Variants in NUBPL observed in about 807,000 individuals in gnomAD.
NUBPL encodes NUBP iron-sulfur cluster assembly factor, mitochondrial, also known as iron-sulfur cluster transfer protein NUBPL.
A neutral mutation model predicts 45.7 loss-of-function variants in NUBPL; 31 were observed. The ratio of observed to expected loss-of-function variants is 0.68; its 90% CI spans 0.51 to 0.92. NUBPL has a LOEUF of 0.92. Among genes scored for constraint, NUBPL ranks in the 40% least tolerant of loss-of-function variants. NUBPL has a pLI of 0.00. For synonymous variants in NUBPL, 144 were observed against 140.9 expected (o/e 1.02, Z -0.15); for missense variants, 401 against 398.7 (o/e 1.01, Z -0.05).
intron 6 of NUBPL, among the ~76,000 whole-genome samples, chr14:31,744,969 C>G (rs2038364651): frequency 6.6e-6 from 1 of 152,090 alleles, no homozygotes; most frequent in Admixed American, 6.5e-5. Flanking sequence ...GCTTAAATAT[C>G]ACTCTTTTAA....
Position 31,740,852 on chromosome 14 carries a change from A to C in NUBPL, c.514-46928A>C, listed in dbSNP as rs182866820. On this transcript the variant is annotated intron_variant, in intron 6 of 10. Coordinates refer to ENST00000281081, the MANE Select transcript of NUBPL (RefSeq NM_025152.3). Reference sequence around the variant, plus strand: ...CTTTCAGTTTTGCACCTTTCAACTGAGATATACTCAAGCTCAGAAACTCTT... The same window carrying C: ...CTTTCAGTTTTGCACCTTTCAACTGCGATATACTCAAGCTCAGAAACTCTT... Among the ~76,000 whole-genome samples, 228 of 152,240 alleles carry C rather than the reference A, an allele frequency of 1.5e-3. 2 individuals are homozygous for C. Among genetic ancestry groups the C allele is most frequent in the South Asian group, 3.3e-3 (16 of 4,818 alleles).
intron 4 of NUBPL, among the ~76,000 whole-genome samples, chr14:31,629,332 G>A (rs142168432): frequency 3.9e-4 from 59 of 152,280 alleles, no homozygotes; most frequent in Middle Eastern, 6.8e-3. Flanking sequence ...TGTGTCTAAT[G>A]TCAGGAAATA....
intron 7 of NUBPL, among the ~76,000 whole-genome samples, chr14:31,804,334 A>T (rs2039645430): frequency 6.6e-6 from 1 of 151,020 alleles, no homozygotes; most frequent in South Asian, 2.1e-4. Flanking sequence ...ACAGTATATC[A>T]GTTAACAGTT....
intron 4 of NUBPL, among the ~76,000 whole-genome samples, chr14:31,638,304 C>T (rs1163555095): frequency 6.6e-6 from 1 of 151,652 alleles, no homozygotes; most frequent in Non-Finnish European, 1.5e-5. Context: ...AATCTCTCAG[C>T]ATTTGCTTGT....
intron 4 of NUBPL, among the ~76,000 whole-genome samples, chr14:31,651,493 T>G (rs1469138307): frequency 1.3e-5 from 2 of 152,240 alleles, no homozygotes; most frequent in African/African-American, 4.8e-5. Flanking sequence ...TAAAGTTTCT[T>G]TCTTTTGTAA....
At chr14:31,776,736 G>C (rs563998837) in intron 6 of NUBPL, among the ~76,000 whole-genome samples, 6 of 152,344 alleles carry the variant, frequency 3.9e-5, no homozygotes, top group African/African-American at 1.2e-4. Context: ...GTCTAATACA[G>C]TTCCAAATCG....
chr14:31,564,107 T>C lies in NUBPL; in HGVS notation c.257-907T>C, dbSNP rs74040873. On this transcript the variant is annotated intron_variant, in intron 2 of 10. Coordinates refer to ENST00000281081, the MANE Select transcript of NUBPL (RefSeq NM_025152.3). ...CCTGACATAGTTTATACCATTGTTC[T>C]GTAAGGAAATGTGATTCACATTATG... Among the ~76,000 whole-genome samples, 666 of 152,316 alleles carry C rather than the reference T, an allele frequency of 4.4e-3. 5 individuals carry two copies. The highest frequency in any genetic ancestry group is 0.015 in the African/African-American group (620 of 41,560).
At chr14:31,790,807 C>T (rs745336956) in intron 7 of NUBPL, among the ~76,000 whole-genome samples, 1 of 151,892 alleles carries the variant, frequency 6.6e-6, no homozygotes, top group Non-Finnish European at 1.5e-5. Context: ...GCCGAGATCG[C>T]GCCACTGCAC....
At chr14:31,611,025 A>G (rs534052172) in intron 4 of NUBPL, among the ~76,000 whole-genome samples, 1 of 152,342 alleles carries the variant, frequency 6.6e-6, no homozygotes, top group African/African-American at 2.4e-5. Context: ...GGAACATGAC[A>G]AGGATGCCCA....
chr14:31,779,117 G>A (rs890697143), intron 6 of NUBPL, among the ~76,000 whole-genome samples: 2 of 151,954 alleles, frequency 1.3e-5, no homozygotes, highest in Admixed American at 1.3e-4. Context: ...AGAGGCGGGT[G>A]GATTACCTGA....
At chr14:31,761,886 G>A (rs1173608776) in intron 6 of NUBPL, among the ~76,000 whole-genome samples, 3 of 152,160 alleles carry the variant, frequency 2.0e-5, no homozygotes, top group African/African-American at 7.2e-5. Flanking sequence ...ACAAAGCATG[G>A]ATTATGAGTG....
At chr14:31,590,232 C>T (rs546796117) in intron 3 of NUBPL, among the ~76,000 whole-genome samples, 1 of 152,122 alleles carries the variant, frequency 6.6e-6, no homozygotes, top group East Asian at 1.9e-4. Context: ...CCTCTGCCTC[C>T]CAGGTTCAGG....
intron 6 of NUBPL, among the ~76,000 whole-genome samples, chr14:31,754,953 G>GT (rs71115029): frequency 0.46 from 67,726 of 148,164 alleles, 16,589 homozygotes; most frequent in African/African-American, 0.65. Flanking sequence ...GCAGTGTTCG[G>GT]TTTTTTGTCC....
intron 4 of NUBPL, among the ~76,000 whole-genome samples, chr14:31,643,996 T>C (rs2035776907): frequency 6.6e-6 from 1 of 152,030 alleles, no homozygotes; most frequent in South Asian, 2.1e-4. Flanking sequence ...ATATCTCCTT[T>C]ATAGTTTCTG....
At chr14:31,651,356 A>G (rs2139739668) in intron 4 of NUBPL, among the ~76,000 whole-genome samples, 1 of 152,000 alleles carries the variant, frequency 6.6e-6, no homozygotes, top group Admixed American at 6.6e-5. Flanking sequence ...GAGCCACCAC[A>G]CCCTGCCCAG....
chr14:31,592,989 G>A (rs2034182364), intron 3 of NUBPL, among the ~76,000 whole-genome samples: 1 of 152,100 alleles, frequency 6.6e-6, no homozygotes, highest in East Asian at 1.9e-4. Flanking sequence ...CACTCCATAT[G>A]TGCTGGTTTT....
intron 7 of NUBPL, among the ~76,000 whole-genome samples, chr14:31,810,893 A>C (rs1436404067): frequency 6.6e-6 from 1 of 152,136 alleles, no homozygotes; most frequent in African/African-American, 2.4e-5. Context: ...GTTTGGCTGG[A>C]TATGAAATTC....
At chr14:31,639,616 A>G (rs910260912) in intron 4 of NUBPL, among the ~76,000 whole-genome samples, 2 of 152,202 alleles carry the variant, frequency 1.3e-5, no homozygotes, top group African/African-American at 4.8e-5. Context: ...CTTCAAAGAT[A>G]TCAGACAGGG....
rs8009296 is a variant in NUBPL at position 31,858,906 on chromosome 14, C to T, written c.898-212C>T. Among the ~76,000 whole-genome samples, 29,345 of 152,110 alleles carry T rather than the reference C, an allele frequency of 0.19. 8,595 individuals carry two copies. Among genetic ancestry groups the T allele is most frequent in the African/African-American group, 0.64 (26,325 of 41,432 alleles). On this transcript the variant is annotated intron_variant, in intron 10 of 10. Transcript: ENST00000281081. ...GGTACTAAATATTACTTCAGAGTCA[C>T]CTTCCAAATAATTACCCTCCAAATA...
Sources: allele counts gnomAD v4.1 joint callset (sites outside exome capture counted in the v4.1 genomes callset), GRCh38; gene constraint gnomAD v4.1.1; transcripts MANE v1.5; gene names NCBI Gene and HGNC (gene_info 2026-07-23, HGNC 2026-07-21).